DDX4: variants seen among roughly 807,000 people sequenced by gnomAD.
DDX4 encodes the protein probable ATP-dependent RNA helicase DDX4.
In DDX4, 25 loss-of-function variants were observed where a neutral mutation model predicts 100.0. The ratio of observed to expected loss-of-function variants is 0.25; its 90% confidence interval spans 0.18 to 0.35. The LOEUF is 0.35. Among genes scored for constraint, DDX4 ranks in the 10% least tolerant of loss-of-function variants. The probability of loss-of-function intolerance (pLI) is 1.00; values close to 1 mark genes in which losing one functional copy is unlikely to be tolerated. For missense variants in DDX4, 635 were observed against 882.4 expected (o/e 0.72, Z 3.55); for synonymous variants, 259 against 275.7 (o/e 0.94, Z 0.60).
chr5:55,804,018 C>G (rs1743520572), intron 18 of DDX4, among the ~76,000 whole-genome samples: 1 of 150,842 alleles, frequency 6.6e-6, no homozygotes, highest in Admixed American at 6.6e-5. Flanking sequence ...GCCATTCTAA[C>G]TGGTGTGAGA....
intron 2 of DDX4, among the ~76,000 whole-genome samples, chr5:55,740,588 C>T (rs1758922957): frequency 6.6e-6 from 1 of 151,788 alleles, no homozygotes; most frequent in African/African-American, 2.4e-5. Context: ...TCACTGCAAC[C>T]TCTGCCTCCT....
chr5:55,799,698 T>A (rs917092766), intron 18 of DDX4, among the ~76,000 whole-genome samples: 3 of 152,128 alleles, frequency 2.0e-5, no homozygotes, highest in Non-Finnish European at 4.4e-5. Flanking sequence ...TTGAAGTCAT[T>A]TTTTTTAGTT....
intron 7 of DDX4, among the ~76,000 whole-genome samples, chr5:55,773,551 G>A (rs1169460343): frequency 1.3e-5 from 2 of 151,946 alleles, no homozygotes; most frequent in Admixed American, 6.6e-5. Context: ...CACATCCACC[G>A]ATACTAGTTA....
At chr5:55,765,367 T>C (rs1740826753) in intron 6 of DDX4, among the ~76,000 whole-genome samples, 1 of 143,112 alleles carries the variant, frequency 7.0e-6, no homozygotes, top group Non-Finnish European at 1.5e-5. Context: ...TTTGATCTAC[T>C]TTCTTCTTTT....
chr5:55,798,375 G>C (rs747469785), intron 17 of DDX4, 51 bp from the exon 18 acceptor site: 1 of 1,581,636 alleles, frequency 6.3e-7, no homozygotes, highest in Non-Finnish European at 8.6e-7. Flanking sequence ...GGATATTATG[G>C]ATACTGATGG....
At chr5:55,794,641 C>T (rs1742809141) in intron 17 of DDX4, among the ~76,000 whole-genome samples, 1 of 152,166 alleles carries the variant, frequency 6.6e-6, no homozygotes, top group East Asian at 1.9e-4. Flanking sequence ...AAATGGCAAA[C>T]GTACTATTGT....
chr5:55,768,737 T>A (rs1741083193), intron 7 of DDX4, among the ~76,000 whole-genome samples: 2 of 152,206 alleles, frequency 1.3e-5, no homozygotes, highest in Non-Finnish European at 1.5e-5. Flanking sequence ...TAATTTACAC[T>A]CCCACCAGCA....
intron 16 of DDX4, among the ~76,000 whole-genome samples, chr5:55,791,628 T>C (rs1420658056): frequency 6.6e-6 from 1 of 152,216 alleles, no homozygotes; most frequent in Non-Finnish European, 1.5e-5. Context: ...TGTTAGGATA[T>C]TTTCTTTCTT....
chr5:55,755,643 C>T (rs549203351), intron 3 of DDX4, among the ~76,000 whole-genome samples: 35 of 151,982 alleles, frequency 2.3e-4, no homozygotes, highest in Non-Finnish European at 4.1e-4. Context: ...AGCTCCGGAA[C>T]ATGAAAATTA....
chr5:55,770,165 C>T (rs994598200), intron 7 of DDX4, among the ~76,000 whole-genome samples: 9 of 152,070 alleles, frequency 5.9e-5, no homozygotes, highest in Non-Finnish European at 1.0e-4. Context: ...TGTGCCTGTC[C>T]TTGTTTTACT....
At position 55,790,766 on chromosome 5, in the gene DDX4, G is replaced by A. The variant is rs115102914; in HGVS notation, c.1302+61G>A. 3.3e-4 allele frequency: 487 copies of A among 1,486,698 alleles called. 1 individual carries two copies. In the African/African-American group the frequency reaches 6.0e-3, roughly 18 times the overall value. The allele number at this position is 1,486,698 out of a possible 1,614,324, so 92.1% of individuals were successfully genotyped here. A position where few individuals can be genotyped will look rare whatever the true frequency, so the allele number is the denominator to read the frequency against. ...ATACTTTTTGTTTGGTATGGGAAAA[G>A]GAAAGAATGAGGTAAAGACAGATGT... On this transcript the variant is annotated intron_variant, in intron 16 of 21. Coordinates refer to ENST00000505374, the MANE Select transcript of DDX4 (RefSeq NM_024415.3).
chr5:55,787,376 A>G (rs1742308462), intron 14 of DDX4, among the ~76,000 whole-genome samples: 1 of 152,236 alleles, frequency 6.6e-6, no homozygotes, highest in Non-Finnish European at 1.5e-5. Context: ...CTGTTGCCAG[A>G]TGTAACTTCA....
rs185521620 is a variant in DDX4 at position 55,807,835 on chromosome 5, C to T, written c.1616-5838C>T. ...CTCTTCTCGAGGAGTATCTTTGTGG[C>T]GTTCTCTCTTTCCTGAATTTGAATG... On this transcript the variant is annotated intron_variant, in intron 18 of 21. Coordinates refer to ENST00000505374, the MANE Select transcript of DDX4 (RefSeq NM_024415.3). 3.7e-3 allele frequency among the ~76,000 whole-genome samples: 558 copies of T among 152,176 alleles called. 6 individuals are homozygous for T. Among genetic ancestry groups the T allele is most frequent in the African/African-American group, 0.012 (497 of 41,504 alleles).
intron 3 of DDX4, among the ~76,000 whole-genome samples, chr5:55,749,878 C>T (rs770190080): frequency 2.0e-5 from 3 of 146,482 alleles, no homozygotes; most frequent in Non-Finnish European, 3.0e-5. Context: ...TGAAAGGCCA[C>T]GAAAGTTAAC....
At chr5:55,740,973 C>A (rs150702931) in intron 2 of DDX4, among the ~76,000 whole-genome samples, 15 of 152,036 alleles carry the variant, frequency 9.9e-5, no homozygotes, top group African/African-American at 3.4e-4. Context: ...TAATTTTTTT[C>A]AAAAATGGAA....
rs550583531 is a variant in DDX4, at chr5:55,765,422, A to G, written c.334+1358A>G. On this transcript the variant is annotated intron_variant, in intron 6 of 21. Coordinates refer to ENST00000505374, the MANE Select transcript of DDX4 (RefSeq NM_024415.3). ...AAAAAAAAAAAAAAAAAATATATAT[A>G]TATATATATATATATGGATTGAATT... Among the ~76,000 whole-genome samples the G allele has an allele frequency of 5.0e-5, 7 of 140,638 alleles. No homozygotes were observed. The South Asian group carries it at 1.6e-3, about 32-fold the overall frequency. The allele number at this position is 140,638 out of a possible 152,430, so 92.3% of individuals were successfully genotyped here.
At position 55,747,369 on chromosome 5, in the gene DDX4, T is replaced by G. The variant is rs532090451; in HGVS notation, c.127+1148T>G. Reference sequence around the variant, plus strand: ...CTCCAGCCTGGAGATGGAGTGAGACTCTGTCTCAAAAAACAAAAACAAAAA... The same window carrying G: ...CTCCAGCCTGGAGATGGAGTGAGACGCTGTCTCAAAAAACAAAAACAAAAA... On this transcript the variant is annotated intron_variant, in intron 3 of 21. Coordinates refer to ENST00000505374, the MANE Select transcript of DDX4 (RefSeq NM_024415.3). Among the ~76,000 whole-genome samples the G allele has an allele frequency of 2.6e-5, 4 of 152,190 alleles. No individual in the cohort carries two copies. In the East Asian group the frequency reaches 7.7e-4, roughly 29 times the overall value.
chr5:55,743,063 C>T (rs1759067105), intron 2 of DDX4, among the ~76,000 whole-genome samples: 2 of 152,184 alleles, frequency 1.3e-5, no homozygotes, highest in African/African-American at 4.8e-5. Context: ...TGTTAGTTTT[C>T]TGTGGCTGCT....
At chr5:55,807,518 G>A (rs1397124419) in intron 18 of DDX4, among the ~76,000 whole-genome samples, 4 of 152,144 alleles carry the variant, frequency 2.6e-5, no homozygotes, top group Admixed American at 6.5e-5. Flanking sequence ...GGAAGGCCTG[G>A]TGGTGACAAA....
Sources: allele counts gnomAD v4.1 joint callset (sites outside exome capture counted in the v4.1 genomes callset), GRCh38; gene constraint gnomAD v4.1.1; transcripts MANE v1.5; gene names NCBI Gene and HGNC (gene_info 2026-07-23, HGNC 2026-07-21).